Variants in CFAP52 observed in about 807,000 individuals in gnomAD.
CFAP52 encodes cilia and flagella associated protein 52, also known as cilia- and flagella-associated protein 52.
A neutral mutation model predicts 70.5 loss-of-function variants in CFAP52; 57 were observed. The observed-to-expected ratio is 0.81, with a 90% CI of 0.65 to 1.01. CFAP52 has a LOEUF of 1.01. CFAP52 is among the 50% of genes least tolerant of loss of function. CFAP52 has a pLI of 0.00. For missense variants in CFAP52, 785 were observed against 788.5 expected (o/e 1.00, Z 0.05); for synonymous variants, 267 against 292.5 (o/e 0.91, Z 0.89).
Position 9,598,308 on chromosome 17 carries a change from T to G in CFAP52, c.611T>G (p.Leu204Trp). ...IWPTECQTGQ[L>W]KRIVMSIGVD... The stretch of plus-strand genomic sequence containing the variant: ...CCAACTGAGTGCCAAACAGGACAGT[T>G]GAAAAGAATAGTCATGAGTATTGGA... Residue 204 changes from leucine (L) to tryptophan (W), a missense_variant, in exon 5 of 14, where the codon TTG (leucine) becomes TGG (tryptophan). Leu to Trp is a moderately conservative substitution (Grantham distance 61). Coordinates refer to ENST00000352665, the MANE Select transcript of CFAP52 (RefSeq NM_145054.5). The G allele has an allele frequency of 6.2e-7, 1 of 1,613,208 alleles. No homozygotes were observed. The highest frequency in any genetic ancestry group is 8.5e-7 in the Non-Finnish European group (1 of 1,179,794).
intron 8 of CFAP52, among the ~76,000 whole-genome samples, chr17:9,613,291 C>T (rs888093413): frequency 2.0e-5 from 3 of 151,252 alleles, no homozygotes; most frequent in Non-Finnish European, 4.4e-5. Flanking sequence ...TAACTACCAG[C>T]AGTTTTGATA....
intron 8 of CFAP52, among the ~76,000 whole-genome samples, chr17:9,615,782 CA>C (rs1355927304): frequency 8.6e-4 from 79 of 91,984 alleles, no homozygotes; most frequent in South Asian, 1.1e-3. Flanking sequence ...CTAATTAAAA[CA>C]AAAAAAAAAT....
At chr17:9,641,865 C>T in intron 13 of CFAP52, 30 bp downstream of exon 13, 1 of 1,581,206 alleles carries the variant, frequency 6.3e-7, no homozygotes, top group Non-Finnish European at 8.7e-7. Context: ...AAAGCCAAGC[C>T]TGGCTTATTT....
chr17:9,636,183 G>GAAAGAAAGA (rs1345872009), intron 11 of CFAP52, among the ~76,000 whole-genome samples: 1,461 of 49,046 alleles, frequency 0.03, 79 homozygotes, highest in African/African-American at 0.11. Flanking sequence ...TCAAAAAAAA[G>GAAAGAAAGA]AAAGAAAGAA....
intron 8 of CFAP52, among the ~76,000 whole-genome samples, chr17:9,614,432 A>G (rs1909831124): frequency 6.6e-6 from 1 of 152,200 alleles, no homozygotes; most frequent in African/African-American, 2.4e-5. Flanking sequence ...CTGGGATTAC[A>G]GGCGTGAGCC....
At chr17:9,603,715 A>G (rs981709564) in intron 6 of CFAP52, among the ~76,000 whole-genome samples, 3 of 152,246 alleles carry the variant, frequency 2.0e-5, no homozygotes, top group Admixed American at 2.0e-4. Context: ...AATGTAGATG[A>G]CGGGTAATAT....
At position 9,631,048 on chromosome 17, in the gene CFAP52, G is replaced by GAC. The variant is rs1426600738; in HGVS notation, c.1175-1839_1175-1838insCA. On this transcript the variant is annotated intron_variant, in intron 9 of 13. Transcript: ENST00000352665. ...AAAGAAAGAGAGAGAGAGAGAGAGAGAGAGAGAAAGAAAGAAAGAAAGAAA... is the reference window on the plus strand; with the variant it reads ...AAAGAAAGAGAGAGAGAGAGAGAGAGACAGAGAGAAAGAAAGAAAGAAAGAAA... 4.7e-3 allele frequency among the ~76,000 whole-genome samples: 93 copies of GAC among 19,854 alleles called. 2 individuals carry two copies. The highest frequency in any genetic ancestry group is 8.7e-3 in the Non-Finnish European group (60 of 6,902). The allele number at this position is 19,854 out of a possible 152,430, so 13.0% of individuals were successfully genotyped here.
intron 4 of CFAP52, among the ~76,000 whole-genome samples, chr17:9,596,392 A>G (rs1567624116): frequency 6.6e-6 from 1 of 151,990 alleles, no homozygotes; most frequent in Non-Finnish European, 1.5e-5. Flanking sequence ...ATCAGCCACC[A>G]TGCCTGGCCC....
intron 1 of CFAP52, among the ~76,000 whole-genome samples, chr17:9,583,898 G>C (rs1039221031): frequency 6.6e-6 from 1 of 152,212 alleles, no homozygotes; most frequent in African/African-American, 2.4e-5. Context: ...AAACTCAAGA[G>C]ATGAGCTTTG....
chr17:9,607,144 G>C (rs565571606), intron 6 of CFAP52, among the ~76,000 whole-genome samples: 1 of 152,084 alleles, frequency 6.6e-6, no homozygotes, highest in Non-Finnish European at 1.5e-5. Flanking sequence ...TGAGGAGTTC[G>C]AGACCAGCCT....
At chr17:9,614,798 G>A (rs1217268867) in intron 8 of CFAP52, among the ~76,000 whole-genome samples, 1 of 152,084 alleles carries the variant, frequency 6.6e-6, no homozygotes, top group Admixed American at 6.5e-5. Flanking sequence ...CTCCTTCCCT[G>A]CAATTATGAC....
intron 9 of CFAP52, among the ~76,000 whole-genome samples, chr17:9,630,543 C>T (rs534018867): frequency 1.9e-3 from 287 of 149,822 alleles, no homozygotes; most frequent in African/African-American, 6.9e-3. Context: ...CATTCTCCTG[C>T]CTCAGCCTCC....
In CFAP52 at chr17:9,628,761, T is replaced by C. The variant is rs199988393; in HGVS notation, c.1115T>C (p.Val372Ala). The change falls in exon 9 of 14, where the codon GTG becomes GCG. Residue 372 changes from valine to alanine, a missense_variant. Transcript: ENST00000352665. ...SSNRELLRITVPNMTCHGIDF... is the reference protein window; with the variant it reads ...SSNRELLRITAPNMTCHGIDF... ...AACAGGGAGCTGCTGCGGATCACCG[T>C]GCCCAACATGACCTGCCACGGCATC... 4 of 1,614,152 alleles carry C rather than the reference T, an allele frequency of 2.5e-6. No homozygotes were observed. The East Asian group carries it at 8.9e-5, about 36-fold the overall frequency.
At chr17:9,594,498 A>G in intron 4 of CFAP52, 177 bp downstream of exon 4, 1 of 726,956 alleles carries the variant, frequency 1.4e-6, no homozygotes. Flanking sequence ...TATTTTCACT[A>G]TAGTTATTTT....
intron 6 of CFAP52, among the ~76,000 whole-genome samples, chr17:9,600,943 C>T (rs935759968): frequency 6.6e-6 from 1 of 152,082 alleles, no homozygotes; most frequent in African/African-American, 2.4e-5. Context: ...GAATCAGAAC[C>T]ACATTTCCAG....
At position 9,596,826 on chromosome 17, in the gene CFAP52, C is replaced by T. The variant is rs568503325; in HGVS notation, c.537-1408C>T. ...CACCTCCCAGGTACAAGCGATTCTCCTGCCTCAGCCTCCCGACTAGCTGGG... is the reference window on the plus strand; with the variant it reads ...CACCTCCCAGGTACAAGCGATTCTCTTGCCTCAGCCTCCCGACTAGCTGGG... On this transcript the variant is annotated intron_variant, in intron 4 of 13. Coordinates refer to ENST00000352665, the MANE Select transcript of CFAP52 (RefSeq NM_145054.5). 9.3e-4 allele frequency among the ~76,000 whole-genome samples: 142 copies of T among 152,216 alleles called. 2 individuals are homozygous for T. Among genetic ancestry groups the T allele is most frequent in the Admixed American group, 2.5e-3 (39 of 15,296 alleles).
intron 6 of CFAP52, among the ~76,000 whole-genome samples, chr17:9,603,556 C>A (rs530851433): frequency 6.6e-6 from 1 of 152,144 alleles, no homozygotes; most frequent in Middle Eastern, 3.2e-3. Flanking sequence ...AGTATTGTCA[C>A]GATATGAGTT....
rs1412427079 is a variant in CFAP52 at position 9,596,044 on chromosome 17, GAT to G, written c.536+1730_536+1731del. Among the ~76,000 whole-genome samples, 150 of 61,936 alleles carry G rather than the reference GAT, an allele frequency of 2.4e-3. 1 individual carries two copies. The highest frequency in any genetic ancestry group is 0.011 in the Middle Eastern group (1 of 94). 40.6% of individuals were successfully genotyped at this position (61,936 alleles called of 152,430 possible). On this transcript the variant is annotated intron_variant, in intron 4 of 13. Transcript: ENST00000352665. ...ATAGTTACATATGTATATGTATGTA[GAT>G]ATATATGTGTGTGTATATATATATA... is the stretch of plus-strand genomic sequence containing the variant.
intron 7 of CFAP52, among the ~76,000 whole-genome samples, chr17:9,610,627 C>T (rs1010657734): frequency 2.6e-5 from 4 of 152,182 alleles, no homozygotes; most frequent in Admixed American, 6.5e-5. Context: ...CTCCGCCTCC[C>T]GGGTTCAAGA....
Sources: gnomAD v4.1 joint callset for allele counts (sites outside exome capture counted in the v4.1 genomes callset) on GRCh38, gnomAD v4.1.1 for gene constraint, MANE v1.5 for transcripts, NCBI Gene and HGNC (gene_info 2026-07-23, HGNC 2026-07-21) for gene names.